CRYBG1: variants seen among roughly 807,000 people sequenced by gnomAD.
CRYBG1 encodes the protein crystallin beta-gamma domain containing 1, also known as beta/gamma crystallin domain-containing protein 1.
CRYBG1 carries 139 observed loss-of-function variants against 189.2 expected under a neutral mutation model. That is an observed-to-expected ratio of 0.73 (90% CI 0.64 to 0.85). The LOEUF (loss-of-function observed/expected upper bound fraction) is 0.85, where lower values mean the gene tolerates loss of function less well. Among genes scored for constraint, CRYBG1 ranks in the 40% least tolerant of loss-of-function variants. The pLI, the probability that CRYBG1 is intolerant of heterozygous loss-of-function variation, is 0.00. For missense variants in CRYBG1, 2,611 were observed against 2,675.8 expected, an observed-to-expected ratio of 0.98 and a Z score of 0.53; for synonymous variants, 1,023 against 1,017.1, an observed-to-expected ratio of 1.01 and a Z score of -0.11.
intron 1 of CRYBG1, among the ~76,000 whole-genome samples, 197 bp downstream of exon 1, chr6:106,361,278 T>C (rs6934218): frequency 0.93 from 141,733 of 152,248 alleles, 66,068 homozygotes; most frequent in East Asian, 0.98. Flanking sequence ...CGGCTTTTGG[T>C]TCAGACCAAG....
At position 106,511,439 on chromosome 6, in the gene CRYBG1, C is replaced by T; in HGVS notation, c.322C>T (p.Gln108Ter). The change falls in exon 3 of 22, where the codon CAA (glutamine) becomes TAA (stop). Residue 108 changes from glutamine (Q) to a stop codon, truncating the protein, a stop_gained. Transcript: ENST00000633556. LOFTEE classifies it high-confidence loss of function. ...ESGIFKKSRA[Q>*]PPEDNRRKPV... ...CCCTTTTATTTTTCAGTCCAGAGCACAACCTCCAGAAGACAACAGAAGGAA... is the reference window on the plus strand; with the variant it reads ...CCCTTTTATTTTTCAGTCCAGAGCATAACCTCCAGAAGACAACAGAAGGAA... 1 of 1,535,156 alleles carries T rather than the reference C, an allele frequency of 6.5e-7. No homozygotes were observed. Among genetic ancestry groups the T allele is most frequent in the East Asian group, 2.4e-5 (1 of 40,906 alleles).
At chr6:106,382,957 A>G (rs905843543) in intron 1 of CRYBG1, among the ~76,000 whole-genome samples, 3 of 152,176 alleles carry the variant, frequency 2.0e-5, no homozygotes, top group African/African-American at 7.2e-5. Context: ...GCTTACTACA[A>G]AATTATTGAT....
At chr6:106,453,433 T>A (rs1181998501) in intron 2 of CRYBG1, among the ~76,000 whole-genome samples, 3 of 152,180 alleles carry the variant, frequency 2.0e-5, no homozygotes, top group African/African-American at 4.8e-5. Context: ...GTAAACTGGC[T>A]TACCGTACTT....
Position 106,527,454 on chromosome 6 carries a change from T to C in CRYBG1, c.4562T>C (p.Ile1521Thr). 1.2e-6 allele frequency: 2 copies of C among 1,611,582 alleles called. No homozygotes were observed. Among genetic ancestry groups the C allele is most frequent in the Non-Finnish European group, 1.7e-6 (2 of 1,178,556 alleles). Residue 1521 changes from isoleucine (I) to threonine (T), a missense_variant, in exon 7 of 22, where the codon ATC becomes ACC. By Grantham distance (89) the Ile-to-Thr change is moderately conservative (BLOSUM62 -1). Around this residue, in one of 3 missense-constraint regions of CRYBG1, gnomAD observed 1,622 missense variants for 1,735.0 expected, o/e 0.93. Transcript: ENST00000633556. Reference sequence around the variant, plus strand: ...GATAAGCCAGTGGTGATTGGTTCCATCAGACATGTGGTTCAGGTAGGTTGT... The same window carrying C: ...GATAAGCCAGTGGTGATTGGTTCCACCAGACATGTGGTTCAGGTAGGTTGT... ...ESDKPVVIGSIRHVVQDYRVS... is the reference protein window; with the variant it reads ...ESDKPVVIGSTRHVVQDYRVS...
At chr6:106,542,643 TATTTTATTTTA>T (rs1562112017) in intron 10 of CRYBG1, among the ~76,000 whole-genome samples, 2 of 144,436 alleles carry the variant, frequency 1.4e-5, no homozygotes, top group African/African-American at 5.2e-5. Flanking sequence ...TATTTTATTT[TATTTTATTTTA>T]TTTTATTTTA....
At position 106,511,599 on chromosome 6, in the gene CRYBG1, CAG is replaced by C. The variant is rs759180600; in HGVS notation, c.493_494del (p.Ser165Ter). On this transcript the variant is annotated frameshift_variant, in exon 3 of 22. Transcript: ENST00000633556. LOFTEE classifies it high-confidence loss of function. The stretch of plus-strand genomic sequence containing the variant: ...GATGTGGTAGCCTCTCCTAAGCTCC[CAG>C]AGAGAGAGAGTGAGAGGAGCAGATC... The C allele has an allele frequency of 3.9e-6, 6 of 1,535,166 alleles. No homozygotes were observed. The African/African-American group carries it at 4.1e-5, about 11-fold the overall frequency.
chr6:106,360,953 C>A lies in CRYBG1; in HGVS notation c.45C>A (p.Ser15Arg), dbSNP rs889994612. 2.2e-5 allele frequency: 34 copies of A among 1,535,024 alleles called. No homozygotes were observed. Among genetic ancestry groups the A allele is most frequent in the Non-Finnish European group, 3.0e-5 (34 of 1,146,516 alleles). The change falls in exon 1 of 22, where the codon AGC (serine) becomes AGA (arginine). Residue 15 changes from serine (S) to arginine (R), a missense_variant. This residue lies in a region of CRYBG1 where 985 missense variants were observed against 924.4 expected (regional missense o/e 1.07). Transcript: ENST00000633556. Reference protein sequence around the residue: ...PPAQGDPGEPSPCRPPKKHTT... With the variant: ...PPAQGDPGEPRPCRPPKKHTT... ...CCCAGGGCGACCCCGGGGAGCCCAG[C>A]CCGTGCAGGCCCCCTAAGAAGCACA...
intron 2 of CRYBG1, among the ~76,000 whole-genome samples, chr6:106,464,336 A>T (rs1478400758): frequency 6.6e-6 from 1 of 152,074 alleles, no homozygotes; most frequent in Non-Finnish European, 1.5e-5. Context: ...TACTAAAAAT[A>T]CAAAAAATTA....
intron 9 of CRYBG1, among the ~76,000 whole-genome samples, chr6:106,540,397 T>C (rs761042423): frequency 2.6e-5 from 4 of 152,258 alleles, no homozygotes; most frequent in Non-Finnish European, 5.9e-5. Flanking sequence ...ATTTTTTTAA[T>C]GTTAATTTTA....
At chr6:106,510,812 G>C (rs1031839956) in intron 2 of CRYBG1, among the ~76,000 whole-genome samples, 14 of 152,240 alleles carry the variant, frequency 9.2e-5, no homozygotes, top group African/African-American at 3.1e-4. Flanking sequence ...GAACGCTCGC[G>C]CGCTCCTCCC....
At chr6:106,466,852 AC>A (rs771991510) in intron 2 of CRYBG1, among the ~76,000 whole-genome samples, 2 of 152,218 alleles carry the variant, frequency 1.3e-5, no homozygotes, top group Non-Finnish European at 2.9e-5. Flanking sequence ...TTAAATTCAG[AC>A]AAAGAAATTG....
In CRYBG1 at chr6:106,568,548, C is replaced by T; in HGVS notation, c.6378C>T (p.Ala2126=). Residue 2126 remains alanine, a synonymous_variant, in exon 22 of 22, where the codon GCC becomes GCT. Transcript: ENST00000633556. ...AGAAGTTTACACAAGTGTGGGAAGC[C>T]ATGGTCCTATATACCTGAACAAAGA... ...SKEKFTQVWE[A]MVLYT The T allele has an allele frequency of 6.2e-7, 1 of 1,612,008 alleles. No homozygotes were observed. The highest frequency in any genetic ancestry group is 8.5e-7 in the Non-Finnish European group (1 of 1,178,066).
chr6:106,502,033 C>T (rs1444945552), intron 2 of CRYBG1, among the ~76,000 whole-genome samples: 3 of 152,158 alleles, frequency 2.0e-5, no homozygotes, highest in Admixed American at 6.5e-5. Flanking sequence ...CTTCTGGGTC[C>T]CAGTCAGCCC....
chr6:106,371,337 T>C (rs2114300396), intron 1 of CRYBG1, among the ~76,000 whole-genome samples: 1 of 152,318 alleles, frequency 6.6e-6, no homozygotes, highest in East Asian at 1.9e-4. Context: ...ATTCAATGTC[T>C]CCTTTATCAT....
chr6:106,483,378 G>GTGTATATA (rs1347885031), intron 2 of CRYBG1, among the ~76,000 whole-genome samples: 1 of 113,814 alleles, frequency 8.8e-6, no homozygotes, highest in Admixed American at 1.0e-4. Flanking sequence ...GTGTGTGTGT[G>GTGTATATA]TATATATATA....
chr6:106,483,489 TGG>T (rs1772522861), intron 2 of CRYBG1, among the ~76,000 whole-genome samples: 1 of 151,554 alleles, frequency 6.6e-6, no homozygotes, highest in Non-Finnish European at 1.5e-5. Flanking sequence ...ACAATAAACA[TGG>T]GAGTGCAGAT....
At chr6:106,480,386 C>T (rs1056832783) in intron 2 of CRYBG1, among the ~76,000 whole-genome samples, 2 of 151,712 alleles carry the variant, frequency 1.3e-5, no homozygotes, top group African/African-American at 2.4e-5. Flanking sequence ...AATTGTGGGC[C>T]GGGCGCGGTG....
rs138048845 is a variant in CRYBG1 at position 106,531,209 on chromosome 6, T to C, written c.4718+894T>C. ...ACTAAAAGCCTTGGTTTGCCATTGTTCATATCTTAGAAAAATAATTTGCTT... is the reference window on the plus strand; with the variant it reads ...ACTAAAAGCCTTGGTTTGCCATTGTCCATATCTTAGAAAAATAATTTGCTT... On this transcript the variant is annotated intron_variant, in intron 8 of 21. Transcript: ENST00000633556. Among the ~76,000 whole-genome samples the C allele has an allele frequency of 1.6e-3, 249 of 152,334 alleles. 3 individuals carry two copies. The highest frequency in any genetic ancestry group is 2.7e-3 in the Non-Finnish European group (187 of 68,020).
chr6:106,512,224 C>T lies in CRYBG1; in HGVS notation c.1107C>T (p.His369=). ...ACTGCACAGCCCGCCCCAAGGGTCA[C>T]GCCCACCCTGCTAAGGTGCTAACTT... ...QADCTARPKG[H]AHPAKVLTLD... Residue 369 remains histidine (H), a synonymous_variant, in exon 3 of 22, where the codon CAC becomes CAT. Transcript: ENST00000633556. 6 of 1,537,548 alleles carry T rather than the reference C, an allele frequency of 3.9e-6. No individual in the cohort carries two copies. Among genetic ancestry groups the T allele is most frequent in the Non-Finnish European group, 5.2e-6 (6 of 1,147,070 alleles).
Sources: gnomAD v4.1 joint callset for allele counts (sites outside exome capture counted in the v4.1 genomes callset) on GRCh38, gnomAD v4.1.1 for gene constraint, gnomAD v4.1.1 regional missense constraint, MANE v1.5 for transcripts, NCBI Gene and HGNC (gene_info 2026-07-23, HGNC 2026-07-21) for gene names.